The following NRG3 variants were observed in gnomAD, a reference collection of about 807,000 sequenced individuals.
NRG3 encodes the protein pro-neuregulin-3, membrane-bound isoform.
NRG3 carries 31 observed loss-of-function variants against 66.9 expected under a neutral mutation model. The observed-to-expected ratio is 0.46, with a 90% confidence interval of 0.35 to 0.63. The LOEUF is 0.63. Among genes scored for constraint, NRG3 ranks in the 20% least tolerant of loss-of-function variants. The pLI, the probability that NRG3 is intolerant of heterozygous loss-of-function variation, is 0.00. For synonymous variants in NRG3, 393 were observed against 359.4 expected, an observed-to-expected ratio of 1.09 and a Z score of -1.06; for missense variants, 910 against 878.9, an observed-to-expected ratio of 1.04 and a Z score of -0.45.
At position 82,375,364 on chromosome 10, in the gene NRG3, C is replaced by T. The variant is rs181474276; in HGVS notation, c.953+16496C>T. Among the ~76,000 whole-genome samples the T allele has an allele frequency of 5.9e-3, 893 of 152,100 alleles. 6 individuals are homozygous for T. The highest frequency in any genetic ancestry group is 0.021 in the African/African-American group (859 of 41,476). On this transcript the variant is annotated intron_variant, in intron 2 of 8. Transcript: ENST00000372141. ...CATCCTGGCTAACACGGTAAAACCC[C>T]GTCTCTATTAAAAATACAAAAAATT...
Position 82,985,516 on chromosome 10 carries a change from C to T in NRG3, c.2002C>T (p.Leu668Phe). 1 of 1,614,072 alleles carries T rather than the reference C, an allele frequency of 6.2e-7. No homozygotes were observed. The highest frequency in any genetic ancestry group is 8.5e-7 in the Non-Finnish European group (1 of 1,179,994). ...CAGTGCAAGCGAAAACACAGCCTTT[C>T]TCCCCCTGAGTCCCACAGCCAAATC... ...EDSASENTAF[L>F]PLSPTAKSER... The change falls in exon 9 of 9, where the codon CTC (leucine) becomes TTC (phenylalanine). Residue 668 changes from leucine (L) to phenylalanine (F), a missense_variant. Coordinates refer to ENST00000372141, the MANE Select transcript of NRG3 (RefSeq NM_001010848.4).
At chr10:82,947,265 A>G (rs1849111350) in intron 4 of NRG3, among the ~76,000 whole-genome samples, 1 of 152,110 alleles carries the variant, frequency 6.6e-6, no homozygotes, top group Admixed American at 6.6e-5. Context: ...ATATTCTTCC[A>G]TATTGTAGTT....
At chr10:82,457,900 G>A (rs565444337) in intron 2 of NRG3, among the ~76,000 whole-genome samples, 12 of 152,310 alleles carry the variant, frequency 7.9e-5, no homozygotes, top group South Asian at 4.1e-4. Flanking sequence ...AAAATCTTAA[G>A]GAGGGTCTAG....
intron 2 of NRG3, among the ~76,000 whole-genome samples, chr10:82,725,089 A>C (rs1293796314): frequency 6.6e-6 from 1 of 152,174 alleles, no homozygotes; most frequent in African/African-American, 2.4e-5. Flanking sequence ...CCTCTGTTAC[A>C]CGTCTGTATT....
intron 2 of NRG3, among the ~76,000 whole-genome samples, chr10:82,408,046 CGAGAGAGAGAGAGAGAGA>C (rs536927208): frequency 1.3e-4 from 7 of 54,422 alleles, no homozygotes; most frequent in South Asian, 1.5e-3. Flanking sequence ...AAGACTACAT[CGAGAGAGAGAGAGAGAGA>C]GAGAGAGAGA....
intron 3 of NRG3, among the ~76,000 whole-genome samples, chr10:82,786,451 C>T (rs984163011): frequency 5.3e-5 from 8 of 152,110 alleles, no homozygotes; most frequent in African/African-American, 1.9e-4. Flanking sequence ...CTCTCTCTCT[C>T]TTTTAAAATG....
intron 2 of NRG3, among the ~76,000 whole-genome samples, chr10:82,716,528 C>T (rs372366985): frequency 1.3e-5 from 2 of 152,092 alleles, no homozygotes; most frequent in East Asian, 3.9e-4. Context: ...CCATCGAGGT[C>T]CTGTTAAAAA....
chr10:82,163,999 C>T (rs2071826662), intron 1 of NRG3, among the ~76,000 whole-genome samples: 1 of 150,948 alleles, frequency 6.6e-6, no homozygotes, highest in African/African-American at 2.4e-5. Flanking sequence ...AGTCTCACTG[C>T]AACCTCCACC....
intron 3 of NRG3, among the ~76,000 whole-genome samples, chr10:82,745,355 C>A (rs1040637024): frequency 6.6e-6 from 1 of 152,136 alleles, no homozygotes; most frequent in East Asian, 1.9e-4. Context: ...AAAACAGATT[C>A]TTGAGGACAC....
At chr10:82,348,077 A>G (rs2083153848) in intron 1 of NRG3, among the ~76,000 whole-genome samples, 1 of 151,206 alleles carries the variant, frequency 6.6e-6, no homozygotes, top group Non-Finnish European at 1.5e-5. Flanking sequence ...ATTTAAAGTT[A>G]ATATTGTTAT....
At chr10:82,388,206 CAT>C (rs1329604804) in intron 2 of NRG3, among the ~76,000 whole-genome samples, 2 of 152,072 alleles carry the variant, frequency 1.3e-5, no homozygotes, top group South Asian at 2.1e-4. Flanking sequence ...ATGGGACTCT[CAT>C]GTGGGATATA....
At chr10:81,955,853 T>C (rs1849781409) in intron 1 of NRG3, among the ~76,000 whole-genome samples, 1 of 152,184 alleles carries the variant, frequency 6.6e-6, no homozygotes, top group Non-Finnish European at 1.5e-5. Context: ...CACTCATTTA[T>C]CCAGCTGCTC....
chr10:82,433,047 C>T (rs960961889), intron 2 of NRG3, among the ~76,000 whole-genome samples: 5 of 152,116 alleles, frequency 3.3e-5, no homozygotes, highest in African/African-American at 1.2e-4. Flanking sequence ...ATACTGTATT[C>T]CACGATGGTT....
intron 2 of NRG3, among the ~76,000 whole-genome samples, chr10:82,607,479 T>G (rs558773141): frequency 6.6e-6 from 1 of 152,166 alleles, no homozygotes; most frequent in Non-Finnish European, 1.5e-5. Context: ...GTGTCCTTAT[T>G]AAGTGGACTT....
chr10:82,027,450 T>G (rs1047868925), intron 1 of NRG3, among the ~76,000 whole-genome samples: 2 of 152,090 alleles, frequency 1.3e-5, no homozygotes. Flanking sequence ...TAACTATGTT[T>G]GAAAGAATGA....
intron 2 of NRG3, among the ~76,000 whole-genome samples, chr10:82,554,794 C>A (rs1286986783): frequency 1.3e-5 from 2 of 152,218 alleles, no homozygotes; most frequent in African/African-American, 2.4e-5. Context: ...TCTTGTGTAA[C>A]CACTAAAAGC....
chr10:82,308,232 A>C (rs2080847657), intron 1 of NRG3, among the ~76,000 whole-genome samples: 1 of 152,126 alleles, frequency 6.6e-6, no homozygotes, highest in South Asian at 2.1e-4. Context: ...GATGACAGGC[A>C]CACACCACCA....
intron 1 of NRG3, among the ~76,000 whole-genome samples, chr10:82,241,406 C>T (rs2077003786): frequency 4.0e-5 from 6 of 151,816 alleles, no homozygotes; most frequent in Admixed American, 3.9e-4. Flanking sequence ...ATCTTTTGTG[C>T]CTAGCTTAAC....
intron 2 of NRG3, among the ~76,000 whole-genome samples, chr10:82,468,513 C>T (rs1193162298): frequency 2.6e-5 from 4 of 152,168 alleles, no homozygotes; most frequent in Non-Finnish European, 5.9e-5. Context: ...ACCACCATCT[C>T]CCTGCTGACC....
Sources: allele counts gnomAD v4.1 joint callset (sites outside exome capture counted in the v4.1 genomes callset), GRCh38; gene constraint gnomAD v4.1.1; transcripts MANE v1.5; gene names NCBI Gene and HGNC (gene_info 2026-07-23, HGNC 2026-07-21).